Variants in SYNE2 observed in about 807,000 individuals in gnomAD.
The protein encoded by SYNE2 is spectrin repeat containing nuclear envelope protein 2.
Under a neutral mutation model 856.3 loss-of-function variants are expected in SYNE2, and 431 were observed. That is an observed-to-expected ratio of 0.50 (90% CI 0.47 to 0.55). SYNE2 has a LOEUF of 0.55. Ranked by LOEUF, SYNE2 falls within the 20% of genes least tolerant of loss-of-function variation. SYNE2 has a pLI of 0.00. For missense variants in SYNE2, 8,129 were observed against 8,023.2 expected (o/e 1.01, Z -0.50); for synonymous variants, 2,923 against 2,872.3 (o/e 1.02, Z -0.56).
intron 96 of SYNE2, among the ~76,000 whole-genome samples, chr14:64,180,618 C>T (rs2153736770): frequency 6.6e-6 from 1 of 152,176 alleles, no homozygotes; most frequent in South Asian, 2.1e-4. Flanking sequence ...ATTCCCCTGC[C>T]TCAGCCTCCC....
Position 64,062,879 on chromosome 14 carries a change from G to A in SYNE2, c.10196G>A (p.Arg3399His), listed in dbSNP as rs36039501. Residue 3399 changes from arginine (R) to histidine (H), a missense_variant, in exon 50 of 116, where the codon CGC becomes CAC. Arg to His is a conservative substitution (Grantham distance 29). Coordinates refer to ENST00000555002, the MANE Select transcript of SYNE2 (RefSeq NM_182914.3). The stretch of plus-strand genomic sequence containing the variant: ...CTGTCTTACAGAGAAGCTTTAGAGC[G>A]CTTGGAACAGAGCAAGGTAATAGTA... ...LPLSYREALERLEQSKALVSN... is the reference protein window; with the variant it reads ...LPLSYREALEHLEQSKALVSN... The A allele has an allele frequency of 2.2e-3, 3,586 of 1,614,090 alleles. 76 individuals carry two copies. In the African/African-American group the frequency reaches 0.041, roughly 19 times the overall value.
Position 64,148,976 on chromosome 14 carries a change from C to CT in SYNE2, c.15639+2770dup, listed in dbSNP as rs59999990. On this transcript the variant is annotated intron_variant, in intron 84 of 115. Coordinates refer to ENST00000555002, the MANE Select transcript of SYNE2 (RefSeq NM_182914.3). ...TGCTTTTCTATAAATGTTAATTTCT[C>CT]TTTTTTTTTTTTTTTTTCCACTATT... 3.9e-3 allele frequency among the ~76,000 whole-genome samples: 552 copies of CT among 141,594 alleles called. 1 individual carries two copies. Among genetic ancestry groups the CT allele is most frequent in the South Asian group, 0.016 (70 of 4,394 alleles). The allele number at this position is 141,594 out of a possible 152,430, so 92.9% of individuals were successfully genotyped here. A position where few individuals can be genotyped will look rare whatever the true frequency, so the allele number is the denominator to read the frequency against.
At chr14:64,023,287 T>C (rs1351543615) in intron 38 of SYNE2, 1 of 163,898 alleles carries the variant, frequency 6.1e-6, no homozygotes, top group Non-Finnish European at 1.3e-5. Context: ...TTTGACTTAC[T>C]GATATTTTCA....
chr14:63,819,798 A>G (rs1889145651), intron 1 of SYNE2, among the ~76,000 whole-genome samples: 1 of 131,708 alleles, frequency 7.6e-6, no homozygotes. Context: ...GGCCTCCCAA[A>G]GTGCTGGGAT....
At chr14:63,787,021 C>T (rs1256437043) in intron 1 of SYNE2, among the ~76,000 whole-genome samples, 1 of 152,160 alleles carries the variant, frequency 6.6e-6, no homozygotes, top group Non-Finnish European at 1.5e-5. Flanking sequence ...CCTTGGCCTC[C>T]CAAAGTGCTA....
chr14:64,210,236 C>T, intron 103 of SYNE2, 112 bp downstream of exon 103: 1 of 1,354,284 alleles, frequency 7.4e-7, no homozygotes, highest in Non-Finnish European at 1.0e-6. Flanking sequence ...CACTTCAGGC[C>T]TGAGCTGTTT....
intron 29 of SYNE2, 45 bp from the exon 30 acceptor site, chr14:64,002,675 C>G: frequency 6.2e-7 from 1 of 1,600,220 alleles, no homozygotes; most frequent in Non-Finnish European, 8.5e-7. Flanking sequence ...TGTAGCCTTT[C>G]TTTTTTCCAC....
intron 100 of SYNE2, among the ~76,000 whole-genome samples, chr14:64,205,215 G>A (rs1596210555): frequency 6.6e-6 from 1 of 152,206 alleles, no homozygotes; most frequent in East Asian, 1.9e-4. Flanking sequence ...GTCTTTGTTG[G>A]GGGGTTGGGG....
At chr14:63,926,859 A>T (rs1360684825) in intron 2 of SYNE2, among the ~76,000 whole-genome samples, 3 of 152,228 alleles carry the variant, frequency 2.0e-5, no homozygotes, top group African/African-American at 7.2e-5. Context: ...ACTCTATGAA[A>T]GCAAATGAAA....
At chr14:64,097,717 C>T (rs1373908499) in intron 61 of SYNE2, among the ~76,000 whole-genome samples, 1 of 152,250 alleles carries the variant, frequency 6.6e-6, no homozygotes, top group Non-Finnish European at 1.5e-5. Context: ...GATTCTGATT[C>T]ACAAGGTCTC....
intron 2 of SYNE2, among the ~76,000 whole-genome samples, chr14:63,914,576 G>T (rs975254099): frequency 6.6e-6 from 1 of 152,182 alleles, no homozygotes; most frequent in African/African-American, 2.4e-5. Flanking sequence ...TGGGTGTTGG[G>T]TACTGTTTGC....
chr14:64,220,781 C>G, intron 111 of SYNE2, 144 bp downstream of exon 111: 1 of 1,036,236 alleles, frequency 9.7e-7, no homozygotes, highest in Non-Finnish European at 1.4e-6. Context: ...CCATTTGTTT[C>G]CACAGAGGCT....
intron 1 of SYNE2, among the ~76,000 whole-genome samples, chr14:63,826,501 C>T (rs147723989): frequency 6.6e-6 from 1 of 152,050 alleles, no homozygotes; most frequent in Non-Finnish European, 1.5e-5. Flanking sequence ...GGGGTATCAC[C>T]ATGTTGGCCG....
chr14:63,998,037 G>A (rs1219028345), intron 25 of SYNE2, among the ~76,000 whole-genome samples, 182 bp from the exon 26 acceptor site: 1 of 152,218 alleles, frequency 6.6e-6, no homozygotes, highest in African/African-American at 2.4e-5. Context: ...GTTAGAAGGT[G>A]AGACTCTCCT....
rs1411192704 is a variant in SYNE2, at chr14:64,159,441, A to C, written c.16093A>C (p.Arg5365=). ...IEEKCQNTHK[R]WTQVNQAIAD... Reference sequence around the variant, plus strand: ...AGAGAAATGCCAAAATACTCATAAAAGGTATGCTTTCAGATATAATTTGAA... The same window carrying C: ...AGAGAAATGCCAAAATACTCATAAACGGTATGCTTTCAGATATAATTTGAA... Residue 5365 remains arginine (R), a splice_region_variant and synonymous_variant, in exon 87 of 116, where the codon AGG becomes CGG. Coordinates refer to ENST00000555002, the MANE Select transcript of SYNE2 (RefSeq NM_182914.3). The C allele has an allele frequency of 6.2e-7, 1 of 1,613,430 alleles. No homozygotes were observed. The highest frequency in any genetic ancestry group is 2.2e-5 in the East Asian group (1 of 44,884).
intron 21 of SYNE2, among the ~76,000 whole-genome samples, chr14:63,991,994 G>A (rs1216916732): frequency 1.3e-5 from 2 of 152,028 alleles, no homozygotes; most frequent in African/African-American, 4.8e-5. Context: ...TAACCACGCT[G>A]GGGCCCTGTT....
At chr14:63,913,771 T>C (rs532378939) in intron 2 of SYNE2, among the ~76,000 whole-genome samples, 15 of 147,222 alleles carry the variant, frequency 1.0e-4, no homozygotes, top group Non-Finnish European at 1.7e-4. Flanking sequence ...CAGCAGTCCA[T>C]ATTTTAAATG....
intron 2 of SYNE2, among the ~76,000 whole-genome samples, chr14:63,934,959 G>A (rs2153406140): frequency 6.6e-6 from 1 of 151,808 alleles, no homozygotes; most frequent in South Asian, 2.1e-4. Flanking sequence ...CTTGATCTTG[G>A]AATCACAAAA....
Position 64,098,118 on chromosome 14 carries a change from T to C in SYNE2, c.12278T>C (p.Val4093Ala), listed in dbSNP as rs754041436. ...GCTGTAACATCAGAGGAAGGTGGAG[T>C]GGCAGAGAGGGATGCTTCTGAGCGG... is the stretch of plus-strand genomic sequence containing the variant. ...LPAVTSEEGG[V>A]AERDASERKL... The change falls in exon 62 of 116, where the codon GTG becomes GCG. Residue 4093 changes from valine to alanine, a missense_variant. This residue lies in a region of SYNE2 where 5,410 missense variants were observed against 5,284.8 expected (regional missense o/e 1.02). Coordinates refer to ENST00000555002, the MANE Select transcript of SYNE2 (RefSeq NM_182914.3). 6.2e-7 allele frequency: 1 copy of C among 1,613,500 alleles called. No homozygotes were observed. The highest frequency in any genetic ancestry group is 8.5e-7 in the Non-Finnish European group (1 of 1,179,816).
Sources: allele counts gnomAD v4.1 joint callset (sites outside exome capture counted in the v4.1 genomes callset), GRCh38; gene constraint gnomAD v4.1.1; regional missense constraint gnomAD v4.1.1; transcripts MANE v1.5; gene names NCBI Gene and HGNC (gene_info 2026-07-23, HGNC 2026-07-21).